CMPK1: variants seen among roughly 807,000 people sequenced by gnomAD.
CMPK1 encodes the protein cytidine/uridine monophosphate kinase 1, also known as UMP-CMP kinase.
A neutral mutation model predicts 25.7 loss-of-function variants in CMPK1; 10 were observed. The observed-to-expected ratio is 0.39, with a 90% CI of 0.24 to 0.66. The LOEUF (loss-of-function observed/expected upper bound fraction) is 0.66, where lower values mean the gene tolerates loss of function less well. Among genes scored for constraint, CMPK1 ranks in the 30% least tolerant of loss-of-function variants. The pLI is 0.48. For missense variants in CMPK1, 199 were observed against 280.5 expected, an observed-to-expected ratio of 0.71 and a Z score of 2.08; for synonymous variants, 106 against 101.5, an observed-to-expected ratio of 1.04 and a Z score of -0.27.
intron 2 of CMPK1, among the ~76,000 whole-genome samples, chr1:47,371,306 C>T (rs1246973512): frequency 1.3e-5 from 2 of 152,148 alleles, no homozygotes; most frequent in Non-Finnish European, 2.9e-5. Flanking sequence ...CCTTTCTCTG[C>T]TCTATAAAGC....
chr1:47,367,834 C>T (rs1646650072), intron 1 of CMPK1, among the ~76,000 whole-genome samples: 1 of 152,188 alleles, frequency 6.6e-6, no homozygotes, highest in Non-Finnish European at 1.5e-5. Flanking sequence ...GTGGTGCAAT[C>T]ACGGTTCACT....
intron 1 of CMPK1, among the ~76,000 whole-genome samples, chr1:47,360,369 T>C (rs867767738): frequency 1.3e-5 from 2 of 152,218 alleles, no homozygotes; most frequent in Admixed American, 6.5e-5. Context: ...TAGGGTCCAT[T>C]TGGCATATAA....
intron 1 of CMPK1, among the ~76,000 whole-genome samples, chr1:47,345,409 T>C (rs1032150635): frequency 2.0e-5 from 3 of 152,118 alleles, no homozygotes; most frequent in Non-Finnish European, 4.4e-5. Context: ...TTAAGAAGTA[T>C]TTTCTAACAA....
intron 2 of CMPK1, among the ~76,000 whole-genome samples, chr1:47,369,187 G>T (rs1431365340): frequency 1.3e-4 from 20 of 151,898 alleles, no homozygotes; most frequent in Admixed American, 1.3e-3. Context: ...TCTATTTTTT[G>T]TGGAGACAGG....
chr1:47,343,313 C>T (rs1184680324), intron 1 of CMPK1, among the ~76,000 whole-genome samples: 1 of 144,736 alleles, frequency 6.9e-6, no homozygotes, highest in African/African-American at 2.5e-5. Flanking sequence ...AAAATATTTT[C>T]CTGGCCGGGC....
At chr1:47,334,693 C>G (rs535171912) in intron 1 of CMPK1, among the ~76,000 whole-genome samples, 1 of 152,342 alleles carries the variant, frequency 6.6e-6, no homozygotes, top group East Asian at 1.9e-4. Flanking sequence ...AGCCCCGTCC[C>G]CGCAAGCTTT....
rs1279804599 is a variant in CMPK1 at position 47,376,865 on chromosome 1, A to C, written c.*120A>C. 3 of 564,152 alleles carry C rather than the reference A, an allele frequency of 5.3e-6. No individual in the cohort carries two copies. Among genetic ancestry groups the C allele is most frequent in the Non-Finnish European group, 9.5e-6 (3 of 314,884 alleles). The allele number at this position is 564,152 out of a possible 1,614,324, so 34.9% of individuals were successfully genotyped here. ...ACTACATCTCAATTAGTGGCTGGAA[A>C]GTACATGGTAAAACAAAGTAAATTT... On this transcript the variant is annotated 3_prime_UTR_variant, in exon 6 of 6. Transcript: ENST00000371873.
chr1:47,359,487 A>T (rs929172814), intron 1 of CMPK1, among the ~76,000 whole-genome samples: 1 of 144,618 alleles, frequency 6.9e-6, no homozygotes, highest in African/African-American at 2.6e-5. Flanking sequence ...TCCTGGGTTC[A>T]AGTGATTCTC....
chr1:47,346,300 AGCCTCCCAAAGTGCTG>A (rs951854095), intron 1 of CMPK1, among the ~76,000 whole-genome samples: 75 of 150,960 alleles, frequency 5.0e-4, no homozygotes, highest in Non-Finnish European at 8.4e-4. Flanking sequence ...CGCCAGCCTC[AGCCTCCCAAAGTGCTG>A]GCCTCCCAAA....
chr1:47,333,897 C>T lies in CMPK1; in HGVS notation c.-49C>T, dbSNP rs1646373705. 2 of 1,195,400 alleles carry T rather than the reference C, an allele frequency of 1.7e-6. No homozygotes were observed. Among genetic ancestry groups the T allele is most frequent in the Non-Finnish European group, 2.1e-6 (2 of 956,222 alleles). The allele number at this position is 1,195,400 out of a possible 1,614,324, so 74.0% of individuals were successfully genotyped here. On this transcript the variant is annotated 5_prime_UTR_variant, in exon 1 of 6. Coordinates refer to ENST00000371873, the MANE Select transcript of CMPK1 (RefSeq NM_016308.3). ...CGCCGCCTCCCCGCCCCGCCCCGCG[C>T]CGCGCCGGCCGCTGTCAGCTCCCTC...
At chr1:47,361,698 A>G (rs975611226) in intron 1 of CMPK1, among the ~76,000 whole-genome samples, 1 of 152,092 alleles carries the variant, frequency 6.6e-6, no homozygotes, top group African/African-American at 2.4e-5. Context: ...ACCTGTAAGC[A>G]ACTTTTGTTT....
Position 47,375,125 on chromosome 1 carries a change from T to G in CMPK1, c.549-72T>G, listed in dbSNP as rs1447750609. On this transcript the variant is annotated intron_variant, in intron 4 of 5. Coordinates refer to ENST00000371873, the MANE Select transcript of CMPK1 (RefSeq NM_016308.3). ...ATCAGTCGGGGCAGATCCAGTGTTC[T>G]GTGAGCTCTCCTATAACATGTAGAA... 3.0e-6 allele frequency: 4 copies of G among 1,314,520 alleles called. No individual in the cohort carries two copies. The East Asian group carries it at 9.2e-5, about 30-fold the overall frequency. The allele number at this position is 1,314,520 out of a possible 1,614,324, so 81.4% of individuals were successfully genotyped here.
At chr1:47,364,654 T>C (rs1451263437) in intron 1 of CMPK1, among the ~76,000 whole-genome samples, 1 of 148,222 alleles carries the variant, frequency 6.7e-6, no homozygotes, top group Admixed American at 6.8e-5. Flanking sequence ...ATATAAATTA[T>C]ATACTATATT....
At chr1:47,340,786 C>T (rs560173763) in intron 1 of CMPK1, among the ~76,000 whole-genome samples, 2 of 151,982 alleles carry the variant, frequency 1.3e-5, no homozygotes, top group South Asian at 2.1e-4. Context: ...TACAGGCATG[C>T]GCCACCATGC....
intron 1 of CMPK1, among the ~76,000 whole-genome samples, chr1:47,361,145 C>G (rs1470036269): frequency 6.6e-6 from 1 of 152,042 alleles, no homozygotes. Flanking sequence ...AATCCCAGCA[C>G]TTTGGGAGGC....
rs755980202 is a variant in CMPK1, at chr1:47,373,086, C to G, written c.450C>G (p.Leu150=). The change falls in exon 3 of 6, where the codon CTC becomes CTG. Residue 150 remains leucine, a synonymous_variant. Coordinates refer to ENST00000371873, the MANE Select transcript of CMPK1 (RefSeq NM_016308.3). ...MDGKADVSFV[L]FFDCNNEICI... The stretch of plus-strand genomic sequence containing the variant: ...GGAAGGCAGATGTATCTTTCGTTCT[C>G]TTTTTTGACTGTAATAATGAGGTAA... 5.0e-6 allele frequency: 8 copies of G among 1,607,600 alleles called. No individual in the cohort carries two copies. The South Asian group carries it at 5.6e-5, about 11-fold the overall frequency.
At chr1:47,335,759 G>GT (rs1318771876) in intron 1 of CMPK1, among the ~76,000 whole-genome samples, 1 of 149,750 alleles carries the variant, frequency 6.7e-6, no homozygotes, top group Admixed American at 6.7e-5. Flanking sequence ...TTCTTTTGTT[G>GT]TTTTTTTGTT....
intron 2 of CMPK1, among the ~76,000 whole-genome samples, chr1:47,370,769 T>C (rs1646672675): frequency 7.4e-6 from 1 of 135,806 alleles, no homozygotes; most frequent in Non-Finnish European, 1.6e-5. Flanking sequence ...AAACCCCATC[T>C]CTACTAAAAA....
At chr1:47,354,892 A>G (rs1281219984) in intron 1 of CMPK1, among the ~76,000 whole-genome samples, 1 of 152,100 alleles carries the variant, frequency 6.6e-6, no homozygotes, top group East Asian at 1.9e-4. Context: ...AACTTAAATA[A>G]TTTGCCCAAG....
Sources: allele counts gnomAD v4.1 joint callset (sites outside exome capture counted in the v4.1 genomes callset), GRCh38; gene constraint gnomAD v4.1.1; transcripts MANE v1.5; gene names NCBI Gene and HGNC (gene_info 2026-07-23, HGNC 2026-07-21).